The following SOX5 variants were observed in gnomAD, a reference collection of about 807,000 sequenced individuals.
SOX5 encodes SRY-box transcription factor 5, also known as transcription factor SOX-5.
In SOX5, 9 loss-of-function variants were observed where a neutral mutation model predicts 92.0. The ratio of observed to expected loss-of-function variants is 0.10; its 90% confidence interval spans 0.06 to 0.17. The LOEUF (loss-of-function observed/expected upper bound fraction) is 0.17. Ranked by LOEUF, SOX5 falls within the 10% of genes least tolerant of loss-of-function variation. SOX5 has a pLI of 1.00. For synonymous variants in SOX5, 344 were observed against 336.3 expected (o/e 1.02, Z -0.25); for missense variants, 642 against 944.5 (o/e 0.68, Z 4.20).
intron 4 of SOX5, among the ~76,000 whole-genome samples, chr12:24,145,708 C>G (rs748337097): frequency 6.6e-6 from 1 of 152,086 alleles, no homozygotes; most frequent in Non-Finnish European, 1.5e-5. Context: ...GGTTTCACTA[C>G]GTTGCCCAGG....
At chr12:24,057,560 T>C (rs1321975006) in intron 4 of SOX5, among the ~76,000 whole-genome samples, 1 of 152,202 alleles carries the variant, frequency 6.6e-6, no homozygotes, top group African/African-American at 2.4e-5. Flanking sequence ...AAATGCAAAT[T>C]GACTCAGGTA....
In SOX5 at chr12:23,820,615, G is replaced by A. The variant is rs548706432; in HGVS notation, c.481+25368C>T. 1.3e-3 allele frequency among the ~76,000 whole-genome samples: 193 copies of A among 152,280 alleles called. 1 individual carries two copies. The highest frequency in any genetic ancestry group is 4.4e-3 in the African/African-American group (181 of 41,560). On this transcript the variant is annotated intron_variant, in intron 3 of 14. Transcript: ENST00000451604. ...TAATTTTTGTATAAAGTATAGGGAAGGGGTCCAATTTCAGTTTTCTGCATA... is the reference window on the plus strand; with the variant it reads ...TAATTTTTGTATAAAGTATAGGGAAAGGGTCCAATTTCAGTTTTCTGCATA...
chr12:23,702,381 T>A (rs949951153), intron 6 of SOX5, among the ~76,000 whole-genome samples: 1 of 152,078 alleles, frequency 6.6e-6, no homozygotes, highest in African/African-American at 2.4e-5. Context: ...CAAATCCATT[T>A]TGATTCATAC....
chr12:23,596,589 G>A (rs1397565872), intron 9 of SOX5, among the ~76,000 whole-genome samples: 20 of 152,154 alleles, frequency 1.3e-4, no homozygotes, highest in Non-Finnish European at 2.1e-4. Context: ...TGATAAAAAG[G>A]AGTTGATTAT....
intron 8 of SOX5, among the ~76,000 whole-genome samples, chr12:23,616,548 A>G (rs41349746): frequency 0.026 from 4,019 of 152,328 alleles, 68 homozygotes; most frequent in Middle Eastern, 0.044. Context: ...TCACATACAC[A>G]TAATCTGAGA....
At chr12:24,333,311 A>C (rs1390520433) in intron 2 of SOX5, among the ~76,000 whole-genome samples, 1 of 152,076 alleles carries the variant, frequency 6.6e-6, no homozygotes. Context: ...CTTAGAATAA[A>C]AATGTTTGGA....
intron 1 of SOX5, among the ~76,000 whole-genome samples, chr12:24,488,437 T>A (rs1486247902): frequency 1.3e-5 from 2 of 152,048 alleles, no homozygotes; most frequent in Non-Finnish European, 2.9e-5. Context: ...AAAAATAAAT[T>A]AGCTGGGTGT....
At chr12:24,532,744 A>AT (rs1456031731) in intron 1 of SOX5, among the ~76,000 whole-genome samples, 2 of 152,210 alleles carry the variant, frequency 1.3e-5, no homozygotes, top group Non-Finnish European at 2.9e-5. Flanking sequence ...TAAAACTACC[A>AT]TTTTCTATAT....
chr12:23,770,006 A>G (rs1323682132), intron 3 of SOX5, among the ~76,000 whole-genome samples: 2 of 146,296 alleles, frequency 1.4e-5, no homozygotes, highest in Non-Finnish European at 1.5e-5. Context: ...TGGAGTTTCT[A>G]TAGTGCCTTT....
chr12:23,992,754 A>T (rs898960879), intron 4 of SOX5, among the ~76,000 whole-genome samples: 3 of 152,134 alleles, frequency 2.0e-5, no homozygotes, highest in Non-Finnish European at 4.4e-5. Flanking sequence ...TTAAACACCA[A>T]AAAAGAAAGG....
chr12:24,038,075 T>C (rs1033502096), intron 4 of SOX5, among the ~76,000 whole-genome samples: 6 of 152,170 alleles, frequency 3.9e-5, no homozygotes, highest in Non-Finnish European at 1.5e-5. Context: ...ATTTAAAATA[T>C]GACAAAATTA....
At chr12:24,516,417 AT>A (rs1042356871) in intron 1 of SOX5, among the ~76,000 whole-genome samples, 1 of 152,134 alleles carries the variant, frequency 6.6e-6, no homozygotes, top group African/African-American at 2.4e-5. Context: ...CAACTTCATT[AT>A]ATTTTATTGC....
At chr12:23,656,324 C>A (rs887840716) in intron 7 of SOX5, among the ~76,000 whole-genome samples, 1 of 152,088 alleles carries the variant, frequency 6.6e-6, no homozygotes, top group East Asian at 1.9e-4. Context: ...ACTCAGAGAG[C>A]ATTAGAATTT....
At chr12:24,103,296 C>T (rs1440541266) in intron 4 of SOX5, among the ~76,000 whole-genome samples, 1 of 151,986 alleles carries the variant, frequency 6.6e-6, no homozygotes, top group Non-Finnish European at 1.5e-5. Context: ...ATACATTATT[C>T]AGTTTTCTTG....
intron 4 of SOX5, among the ~76,000 whole-genome samples, chr12:24,063,020 A>G (rs948263662): frequency 6.6e-6 from 1 of 152,234 alleles, no homozygotes; most frequent in Non-Finnish European, 1.5e-5. Flanking sequence ...TATATTGCAT[A>G]ATGTGTTATA....
intron 10 of SOX5, among the ~76,000 whole-genome samples, chr12:23,566,897 T>C (rs12229519): frequency 0.34 from 51,195 of 152,032 alleles, 8,827 homozygotes; most frequent in African/African-American, 0.39. Flanking sequence ...TGACAAATTT[T>C]AATGCTCAAT....
rs558199746 is a variant in SOX5 at position 23,587,645 on chromosome 12, C to T, written c.1165-11807G>A. Among the ~76,000 whole-genome samples the T allele has an allele frequency of 9.9e-4, 151 of 151,930 alleles. No individual in the cohort carries two copies. The Middle Eastern group carries it at 0.01, about 10-fold the overall frequency. On this transcript the variant is annotated intron_variant, in intron 9 of 14. Transcript: ENST00000451604. The stretch of plus-strand genomic sequence containing the variant: ...ATAAAGTATTTTAACAAAGTAGCTA[C>T]GATAAATTCAAAATGTATTCATAAT...
chr12:24,384,976 T>C (rs1361394023), intron 1 of SOX5, among the ~76,000 whole-genome samples: 3 of 152,084 alleles, frequency 2.0e-5, no homozygotes, highest in Admixed American at 1.3e-4. Context: ...CCACCTCACA[T>C]CATCACAAGA....
At chr12:24,478,446 T>C (rs1945622421) in intron 1 of SOX5, among the ~76,000 whole-genome samples, 1 of 152,190 alleles carries the variant, frequency 6.6e-6, no homozygotes, top group East Asian at 1.9e-4. Context: ...AATCCACAGA[T>C]TTCATGGTTT....
Sources: allele counts gnomAD v4.1 joint callset (sites outside exome capture counted in the v4.1 genomes callset), GRCh38; gene constraint gnomAD v4.1.1; transcripts MANE v1.5; gene names NCBI Gene and HGNC (gene_info 2026-07-23, HGNC 2026-07-21).